The following PRKCQ variants were observed in gnomAD, a reference collection of about 807,000 sequenced individuals.
PRKCQ encodes protein kinase C theta, also known as protein kinase C theta type.
In PRKCQ, 41 loss-of-function variants were observed where a neutral mutation model predicts 91.2. The observed-to-expected ratio is 0.45, with a 90% CI of 0.35 to 0.58. The LOEUF (loss-of-function observed/expected upper bound fraction) is 0.58, where lower values mean the gene tolerates loss of function less well. Among genes scored for constraint, PRKCQ ranks in the 20% least tolerant of loss-of-function variants. PRKCQ has a pLI of 0.00. For synonymous variants in PRKCQ, 307 were observed against 316.9 expected (o/e 0.97, Z 0.33); for missense variants, 673 against 896.5 (o/e 0.75, Z 3.18).
intron 16 of PRKCQ, 43 bp downstream of exon 16, chr10:6,441,850 C>T (rs1588660612): frequency 6.5e-7 from 1 of 1,545,010 alleles, no homozygotes; most frequent in Non-Finnish European, 8.8e-7. Flanking sequence ...ACCAGAAGAC[C>T]TAATGCTCGT....
chr10:6,576,551 G>T lies in PRKCQ; in HGVS notation c.-10+3660C>A, dbSNP rs889508628. 6.6e-6 allele frequency among the ~76,000 whole-genome samples: 1 copy of T among 152,282 alleles called. No homozygotes were observed. Among genetic ancestry groups the T allele is most frequent in the Non-Finnish European group, 1.5e-5 (1 of 68,022 alleles). The stretch of plus-strand genomic sequence containing the variant: ...GCTGCCAGGGGCTGAGAGGAAAGAC[G>T]GATGAGGAACGAATGTTCCACGAGG... On this transcript the variant is annotated intron_variant, in intron 1 of 17. Coordinates refer to ENST00000263125, the MANE Select transcript of PRKCQ (RefSeq NM_006257.5). The surrounding 1 kb of genome is among the most constrained non-coding windows in gnomAD (Gnocchi z 4.2).
chr10:6,455,239 T>C (rs1834943114), intron 15 of PRKCQ, among the ~76,000 whole-genome samples: 1 of 152,220 alleles, frequency 6.6e-6, no homozygotes, highest in Non-Finnish European at 1.5e-5. Flanking sequence ...GAGCTTTGGT[T>C]TCACTTCAAA....
Position 6,580,274 on chromosome 10 carries a change from A to G in PRKCQ, c.-73T>C, listed in dbSNP as rs1564405515. 1 of 134,320 alleles carries G rather than the reference A, an allele frequency of 7.4e-6. No individual in the cohort carries two copies. Among genetic ancestry groups the G allele is most frequent in the Admixed American group, 7.2e-5 (1 of 13,958 alleles). The allele number at this position is 134,320 out of a possible 1,614,324, so 8.3% of individuals were successfully genotyped here. On this transcript the variant is annotated 5_prime_UTR_variant, in exon 1 of 18. Transcript: ENST00000263125. The stretch of plus-strand genomic sequence containing the variant: ...GGGACTGCGCGGGGACTGCGCGGGG[A>G]CTGCGCGGGGACTGGCGGGGCTGGC...
rs1833216920 is a variant in PRKCQ at position 6,428,190 on chromosome 10, C to T, written c.*17G>A. The T allele has an allele frequency of 6.2e-7, 1 of 1,614,124 alleles. No homozygotes were observed. The highest frequency in any genetic ancestry group is 8.5e-7 in the Non-Finnish European group (1 of 1,180,022). ...AGGGAGAAGGCAAATTCTTTCCTGT[C>T]TCTGGAGGGGCAAGATTCAGGATAT... On this transcript the variant is annotated 3_prime_UTR_variant, in exon 18 of 18. Coordinates refer to ENST00000263125, the MANE Select transcript of PRKCQ (RefSeq NM_006257.5).
chr10:6,422,239 C>T (rs192099658), downstream of PRKCQ, among the ~76,000 whole-genome samples: 3 of 152,184 alleles, frequency 2.0e-5, no homozygotes, highest in African/African-American at 7.2e-5. Flanking sequence ...GCATAGATGG[C>T]GTTATTCACT....
chr10:6,561,011 C>T (rs977910789), intron 1 of PRKCQ, among the ~76,000 whole-genome samples: 2 of 149,346 alleles, frequency 1.3e-5, no homozygotes, highest in Admixed American at 6.7e-5. Flanking sequence ...TGCACTCCAG[C>T]CTGGGCGACA....
chr10:6,434,243 G>A (rs866498883), intron 16 of PRKCQ, among the ~76,000 whole-genome samples: 2 of 152,138 alleles, frequency 1.3e-5, no homozygotes, highest in Admixed American at 6.6e-5. Context: ...AAGTAGGCTG[G>A]AAGTAACTGC....
chr10:6,444,894 C>T (rs541108860), intron 15 of PRKCQ, among the ~76,000 whole-genome samples: 11 of 152,048 alleles, frequency 7.2e-5, no homozygotes, highest in African/African-American at 2.4e-4. Flanking sequence ...GAGGCTGAGG[C>T]GGGTGGATCA....
chr10:6,529,659 T>C (rs1327927131), intron 1 of PRKCQ, among the ~76,000 whole-genome samples: 2 of 152,210 alleles, frequency 1.3e-5, no homozygotes, highest in East Asian at 3.8e-4. Flanking sequence ...TTTGTAAATG[T>C]TGGTGTCATG....
intron 1 of PRKCQ, among the ~76,000 whole-genome samples, chr10:6,516,050 A>G (rs1342855019): frequency 1.3e-5 from 2 of 152,182 alleles, no homozygotes; most frequent in Non-Finnish European, 2.9e-5. Context: ...TCTCTTTTTG[A>G]TGATTTATAC....
intron 17 of PRKCQ, among the ~76,000 whole-genome samples, chr10:6,429,743 G>A (rs2132222929): frequency 6.7e-6 from 1 of 149,376 alleles, no homozygotes; most frequent in South Asian, 2.2e-4. Flanking sequence ...TTTCTAAAAA[G>A]TTTTATTTTT....
At chr10:6,464,685 T>G (rs1181954848) in intron 12 of PRKCQ, among the ~76,000 whole-genome samples, 1 of 152,202 alleles carries the variant, frequency 6.6e-6, no homozygotes, top group African/African-American at 2.4e-5. Flanking sequence ...TGACCTCAGG[T>G]GATCCGCCCA....
chr10:6,464,528 C>T (rs1043115586), intron 12 of PRKCQ, 124 bp from the exon 13 acceptor site: 3 of 720,148 alleles, frequency 4.2e-6, no homozygotes, highest in Non-Finnish European at 4.6e-6. Flanking sequence ...CGGGTCACTG[C>T]AACCTCCGCC....
At chr10:6,412,702 A>G in the PRKCQ span, among the ~76,000 whole-genome samples, 174 of 152,364 alleles carry the variant, frequency 1.1e-3, no homozygotes, top group African/African-American at 4.0e-3. Flanking sequence ...TGGAAAATCA[A>G]TAAGGTTAGA....
intron 8 of PRKCQ, among the ~76,000 whole-genome samples, chr10:6,488,719 T>G (rs1301619149): frequency 1.3e-5 from 2 of 152,186 alleles, no homozygotes; most frequent in Non-Finnish European, 2.9e-5. Flanking sequence ...TATATAGGCA[T>G]AGATATAGCC....
At chr10:6,418,861 C>G in the PRKCQ span, among the ~76,000 whole-genome samples, 1 of 151,568 alleles carries the variant, frequency 6.6e-6, no homozygotes, top group East Asian at 1.9e-4. Flanking sequence ...TCTATTCTGT[C>G]AATCATCTGT....
intron 8 of PRKCQ, among the ~76,000 whole-genome samples, chr10:6,488,613 A>G (rs1433668698): frequency 1.3e-5 from 2 of 151,928 alleles, no homozygotes; most frequent in South Asian, 2.1e-4. Context: ...CCAACTTCTG[A>G]CCTCAAGTGA....
chr10:6,516,814 G>A (rs568997311), intron 1 of PRKCQ, among the ~76,000 whole-genome samples: 1 of 152,234 alleles, frequency 6.6e-6, no homozygotes, highest in East Asian at 1.9e-4. Context: ...CAGGCGTCTG[G>A]GAAATGCTGC....
intron 1 of PRKCQ, among the ~76,000 whole-genome samples, chr10:6,553,738 C>T (rs756780689): frequency 1.3e-5 from 2 of 152,054 alleles, no homozygotes; most frequent in African/African-American, 2.4e-5. Context: ...TACAAAGTTG[C>T]GGTATGCACA....
Sources: gnomAD v4.1 joint callset for allele counts (sites outside exome capture counted in the v4.1 genomes callset) on GRCh38, gnomAD v4.1.1 for gene constraint, Gnocchi (gnomAD v3.1) non-coding constraint, MANE v1.5 for transcripts, NCBI Gene and HGNC (gene_info 2026-07-23, HGNC 2026-07-21) for gene names.